The following SLC45A1 variants were observed in gnomAD, a reference collection of about 807,000 sequenced individuals.
SLC45A1 encodes the protein proton-associated sugar transporter A.
SLC45A1 carries 28 observed loss-of-function variants against 57.6 expected under a neutral mutation model. The ratio of observed to expected loss-of-function variants is 0.49; its 90% confidence interval spans 0.36 to 0.67. SLC45A1 has a LOEUF of 0.67. Among genes scored for constraint, SLC45A1 ranks in the 30% least tolerant of loss-of-function variants. SLC45A1 has a pLI of 0.00. For missense variants in SLC45A1, 814 were observed against 1,041.5 expected (o/e 0.78, Z 3.01); for synonymous variants, 459 against 471.5 (o/e 0.97, Z 0.34).
rs1041035321 is a variant in SLC45A1, at chr1:8,326,794, C to T, written c.715+752C>T. On this transcript the variant is annotated intron_variant, in intron 4 of 8. Coordinates refer to ENST00000471889, the MANE Select transcript of SLC45A1 (RefSeq NM_001080397.3). This position sits in a 1 kb window ranked among gnomAD's most constrained non-coding sequence, Gnocchi z 5.5. ...GGGAGTTCGAGACCAGCCTGACCAA[C>T]ATGGAGAAACGACATCTCTACTAAA... Among the ~76,000 whole-genome samples the T allele has an allele frequency of 3.3e-5, 5 of 152,138 alleles. No homozygotes were observed. The highest frequency in any genetic ancestry group is 1.2e-4 in the African/African-American group (5 of 41,420).
rs199862899 is a variant in SLC45A1 at position 8,330,671 on chromosome 1, G to A, written c.1178G>A (p.Gly393Asp). 1,258 of 1,613,132 alleles carry A rather than the reference G, an allele frequency of 7.8e-4. No individual in the cohort carries two copies. The highest frequency in any genetic ancestry group is 1.0e-3 in the Non-Finnish European group (1,218 of 1,179,998). Reference sequence around the variant, plus strand: ...CACGACAGCTACCTGGCCATCCCTGGCAGCGTCCCCAGGCCGCCCATCAGC... The same window carrying A: ...CACGACAGCTACCTGGCCATCCCTGACAGCGTCCCCAGGCCGCCCATCAGC... ...GGHDSYLAIP[G>D]SVPRPPISVS... Residue 393 changes from glycine (G) to aspartate (D), a missense_variant, in exon 5 of 9, where the codon GGC becomes GAC. Gly to Asp is a moderately conservative substitution (Grantham distance 94). Transcript: ENST00000471889. The surrounding 1 kb of genome is among the most constrained non-coding windows in gnomAD (Gnocchi z 8.4).
Position 8,330,466 on chromosome 1 carries a change from A to T in SLC45A1, c.973A>T (p.Ser325Cys), listed in dbSNP as rs1640360019. The T allele has an allele frequency of 6.2e-7, 1 of 1,612,472 alleles. No individual in the cohort carries two copies. The highest frequency in any genetic ancestry group is 8.5e-7 in the Non-Finnish European group (1 of 1,179,786). Residue 325 changes from serine to cysteine, a missense_variant, in exon 5 of 9, where the codon AGC (serine) becomes TGC (cysteine). By Grantham distance (112) the Ser-to-Cys change is moderately radical. Transcript: ENST00000471889. The surrounding 1 kb of genome is among the most constrained non-coding windows in gnomAD (Gnocchi z 8.4). Reference sequence around the variant, plus strand: ...CCTGCCAGAGGAAGGCCCTGGCGACAGCCTCCCGTCGCACACGGCCACCAA... The same window carrying T: ...CCTGCCAGAGGAAGGCCCTGGCGACTGCCTCCCGTCGCACACGGCCACCAA... Reference protein sequence around the residue: ...PVLPEEGPGDSLPSHTATNFS... With the variant: ...PVLPEEGPGDCLPSHTATNFS...
Position 8,335,323 on chromosome 1 carries a change from C to T in SLC45A1, c.1444-114C>T. 9.5e-7 allele frequency: 1 copy of T among 1,054,378 alleles called. No individual in the cohort carries two copies. The highest frequency in any genetic ancestry group is 2.8e-5 in the East Asian group (1 of 35,728). 65.3% of individuals were successfully genotyped at this position (1,054,378 alleles called of 1,614,324 possible). On this transcript the variant is annotated intron_variant, in intron 5 of 8. Coordinates refer to ENST00000471889, the MANE Select transcript of SLC45A1 (RefSeq NM_001080397.3). This position sits in a 1 kb window ranked among gnomAD's most constrained non-coding sequence, Gnocchi z 4.1. ...TCATGCCGTCAGATAAGAAGACAGA[C>T]CCTTGCAGCCTCCGTGCGGTGTTTC...
intron 8 of SLC45A1, among the ~76,000 whole-genome samples, chr1:8,340,587 G>T (rs1455794461): frequency 1.3e-5 from 2 of 152,160 alleles, no homozygotes; most frequent in Non-Finnish European, 2.9e-5. Flanking sequence ...GACGTTTCTT[G>T]CCCTCTGGTC....
At chr1:8,324,247 T>C (rs1047873633) in intron 1 of SLC45A1, 59 bp from the exon 2 acceptor site, 2 of 1,456,170 alleles carry the variant, frequency 1.4e-6, no homozygotes, top group Non-Finnish European at 1.9e-6. Context: ...AACTCAAATG[T>C]TGGGGGAGGA....
intron 1 of SLC45A1, among the ~76,000 whole-genome samples, chr1:8,320,306 T>C (rs1178405521): frequency 1.3e-5 from 2 of 152,130 alleles, no homozygotes. Flanking sequence ...GCCGTCTACA[T>C]AGTCCACTTT....
chr1:8,340,974 C>T (rs1481757054), intron 8 of SLC45A1, among the ~76,000 whole-genome samples: 4 of 152,000 alleles, frequency 2.6e-5, no homozygotes, highest in East Asian at 3.9e-4. Context: ...GGGTGGATCA[C>T]GAGGTCAGGA....
At chr1:8,331,630 G>A (rs1400762081) in intron 5 of SLC45A1, among the ~76,000 whole-genome samples, 3 of 152,044 alleles carry the variant, frequency 2.0e-5, no homozygotes, top group Non-Finnish European at 2.9e-5. Flanking sequence ...GACAGAGCAA[G>A]ACCTTGTCTC....
At chr1:8,338,859 T>C (rs1640711238) in intron 7 of SLC45A1, among the ~76,000 whole-genome samples, 1 of 152,252 alleles carries the variant, frequency 6.6e-6, no homozygotes, top group Non-Finnish European at 1.5e-5. Flanking sequence ...TTTATTTTAG[T>C]TGCCCCCATC....
chr1:8,323,116 G>C, intron 1 of SLC45A1, among the ~76,000 whole-genome samples: 1 of 152,188 alleles, frequency 6.6e-6, no homozygotes, highest in East Asian at 1.9e-4. Context: ...CAGCGCGGGA[G>C]GGGAGTGGAA....
chr1:8,322,023 A>ATGGG (rs1173455478), intron 1 of SLC45A1, among the ~76,000 whole-genome samples: 17,528 of 32,340 alleles, frequency 0.54, 5,991 homozygotes, highest in Admixed American at 0.61. Flanking sequence ...GGATGGATGG[A>ATGGG]TGGATGGGTG....
At chr1:8,324,860 G>A in intron 2 of SLC45A1, 134 bp downstream of exon 2, 2 of 855,770 alleles carry the variant, frequency 2.3e-6, no homozygotes, top group Non-Finnish European at 3.5e-6. Context: ...GGGACTGTGG[G>A]GAACACAGGT....
In SLC45A1 at chr1:8,322,614, A is replaced by C. The variant is rs116521264; in HGVS notation, c.-24-1692A>C. 6.4e-3 allele frequency among the ~76,000 whole-genome samples: 978 copies of C among 152,212 alleles called. 6 individuals carry two copies. The highest frequency in any genetic ancestry group is 0.022 in the African/African-American group (926 of 41,514). ...TTTCAGAGTGATTCATAAATAATTT[A>C]TTGTCTAGTGATAGTGTGATGGAAA... is the stretch of plus-strand genomic sequence containing the variant. On this transcript the variant is annotated intron_variant, in intron 1 of 8. Coordinates refer to ENST00000471889, the MANE Select transcript of SLC45A1 (RefSeq NM_001080397.3).
chr1:8,343,686 G>T lies in SLC45A1; in HGVS notation c.1981-61G>T. The T allele has an allele frequency of 1.9e-6, 3 of 1,555,458 alleles. No individual in the cohort carries two copies. Among genetic ancestry groups the T allele is most frequent in the Non-Finnish European group, 2.6e-6 (3 of 1,147,452 alleles). Reference sequence around the variant, plus strand: ...CTCCTGGGCTCGCAGGACACACCGAGCTCGGTCACCCCGTGCTGGCCGCGG... The same window carrying T: ...CTCCTGGGCTCGCAGGACACACCGATCTCGGTCACCCCGTGCTGGCCGCGG... On this transcript the variant is annotated intron_variant, in intron 8 of 8. Transcript: ENST00000471889. The surrounding 1 kb of genome is among the most constrained non-coding windows in gnomAD (Gnocchi z 7.7).
At chr1:8,337,543 C>T (rs578187008) in intron 6 of SLC45A1, among the ~76,000 whole-genome samples, 8 of 152,316 alleles carry the variant, frequency 5.3e-5, no homozygotes, top group Admixed American at 4.6e-4. Flanking sequence ...CTCAGCCTCC[C>T]GAGTAGCTGG....
At chr1:8,341,148 C>T (rs1313569715) in intron 8 of SLC45A1, among the ~76,000 whole-genome samples, 3 of 140,146 alleles carry the variant, frequency 2.1e-5, no homozygotes, top group Admixed American at 1.5e-4. Flanking sequence ...GCCGAGATGG[C>T]GAGATGGTGC....
Position 8,330,463 on chromosome 1 carries a change from G to GACAGCCTCCCGTCGC in SLC45A1, c.974_988dup (p.Ser325_His329dup), listed in dbSNP as rs1357756982. ...CGTCCTGCCAGAGGAAGGCCCTGGC[G>GACAGCCTCCCGTCGC]ACAGCCTCCCGTCGCACACGGCCAC... On this transcript the variant is annotated inframe_insertion, in exon 5 of 9. Transcript: ENST00000471889. This position sits in a 1 kb window ranked among gnomAD's most constrained non-coding sequence, Gnocchi z 8.4. 6.2e-7 allele frequency: 1 copy of GACAGCCTCCCGTCGC among 1,611,884 alleles called. No homozygotes were observed. Among genetic ancestry groups the GACAGCCTCCCGTCGC allele is most frequent in the African/African-American group, 1.3e-5 (1 of 74,878 alleles).
chr1:8,323,500 A>AG (rs1416467590), intron 1 of SLC45A1, among the ~76,000 whole-genome samples: 1 of 33,308 alleles, frequency 3.0e-5, no homozygotes, highest in African/African-American at 6.1e-5. Context: ...CAAAAAAAAA[A>AG]AAAAAAAAAA....
intron 5 of SLC45A1, among the ~76,000 whole-genome samples, chr1:8,331,659 C>T (rs1323163362): frequency 1.3e-5 from 2 of 152,134 alleles, no homozygotes; most frequent in African/African-American, 4.8e-5. Context: ...AAAAGACAAG[C>T]CTCAGAAACG....
Sources: gnomAD v4.1 joint callset for allele counts (sites outside exome capture counted in the v4.1 genomes callset) on GRCh38, gnomAD v4.1.1 for gene constraint, Gnocchi (gnomAD v3.1) non-coding constraint, MANE v1.5 for transcripts, NCBI Gene and HGNC (gene_info 2026-07-23, HGNC 2026-07-21) for gene names.